Variants in NTM observed in about 807,000 individuals in gnomAD.
NTM encodes IgLON family member 2.
Under a neutral mutation model 42.1 loss-of-function variants are expected in NTM, and 13 were observed. The observed-to-expected ratio is 0.31, with a 90% CI of 0.20 to 0.49. The LOEUF is 0.49. Among genes scored for constraint, NTM ranks in the 20% least tolerant of loss-of-function variants. The pLI is 0.99. For synonymous variants in NTM, 187 were observed against 179.2 expected, an observed-to-expected ratio of 1.04 and a Z score of -0.35; for missense variants, 373 against 452.8, an observed-to-expected ratio of 0.82 and a Z score of 1.60.
intron 1 of NTM, among the ~76,000 whole-genome samples, chr11:131,779,320 A>G (rs1389895270): frequency 6.6e-6 from 1 of 152,196 alleles, no homozygotes; most frequent in Non-Finnish European, 1.5e-5. Context: ...TGAGATAATA[A>G]ATGTGTGCTG....
At chr11:131,713,509 T>C (rs920189765) in intron 1 of NTM, among the ~76,000 whole-genome samples, 8 of 152,242 alleles carry the variant, frequency 5.3e-5, no homozygotes, top group Non-Finnish European at 1.0e-4. Context: ...AATTCATTCT[T>C]TTCTATTTCT....
intron 4 of NTM, among the ~76,000 whole-genome samples, chr11:132,245,471 C>T (rs2090978177): frequency 6.6e-6 from 1 of 152,048 alleles, no homozygotes; most frequent in South Asian, 2.1e-4. Flanking sequence ...GGCTGGTTGT[C>T]AGGCATAATA....
At chr11:132,171,491 C>T (rs996063697) in intron 3 of NTM, among the ~76,000 whole-genome samples, 1 of 152,104 alleles carries the variant, frequency 6.6e-6, no homozygotes, top group Non-Finnish European at 1.5e-5. Context: ...TCTTTCTAGC[C>T]TTTTTTATAA....
chr11:131,713,988 G>A (rs2077429105), intron 1 of NTM, among the ~76,000 whole-genome samples: 1 of 152,158 alleles, frequency 6.6e-6, no homozygotes, highest in Non-Finnish European at 1.5e-5. Context: ...TCCTGGGAGG[G>A]GCTGCGTGTG....
At chr11:132,129,739 G>A (rs965884860) in intron 2 of NTM, among the ~76,000 whole-genome samples, 2 of 152,172 alleles carry the variant, frequency 1.3e-5, no homozygotes, top group African/African-American at 2.4e-5. Context: ...ATTTCAAAAT[G>A]GGGCTCCTAG....
At chr11:132,019,484 A>G (rs2073989122) in intron 2 of NTM, among the ~76,000 whole-genome samples, 1 of 151,800 alleles carries the variant, frequency 6.6e-6, no homozygotes, top group Non-Finnish European at 1.5e-5. Flanking sequence ...CTGTATTTTG[A>G]GATTGTGCTT....
intron 2 of NTM, among the ~76,000 whole-genome samples, chr11:132,133,467 A>G (rs187443548): frequency 2.1e-4 from 32 of 152,332 alleles, no homozygotes; most frequent in African/African-American, 6.5e-4. Context: ...TCCCATCCTA[A>G]TGCACTTCAG....
chr11:132,200,484 T>C (rs1158168908), intron 3 of NTM, among the ~76,000 whole-genome samples: 2 of 152,304 alleles, frequency 1.3e-5, no homozygotes, highest in African/African-American at 4.8e-5. Context: ...ACTGCAGTCA[T>C]GGGGTGAGGT....
intron 2 of NTM, among the ~76,000 whole-genome samples, chr11:131,944,675 T>G (rs2060161295): frequency 6.6e-6 from 1 of 152,188 alleles, no homozygotes; most frequent in South Asian, 2.1e-4. Context: ...CTTAGAGTGT[T>G]TAAGAGTTGG....
chr11:131,698,618 G>A (rs1326380609), intron 1 of NTM, among the ~76,000 whole-genome samples: 1 of 152,126 alleles, frequency 6.6e-6, no homozygotes, highest in Non-Finnish European at 1.5e-5. Context: ...TTTATAAGAG[G>A]ACTAGGAGAA....
At chr11:132,014,825 T>G (rs1484493338) in intron 2 of NTM, among the ~76,000 whole-genome samples, 1 of 151,544 alleles carries the variant, frequency 6.6e-6, no homozygotes, top group East Asian at 1.9e-4. Context: ...GCAAATACTT[T>G]CTCCCATTCC....
chr11:132,049,823 C>T (rs1275140178), intron 2 of NTM, among the ~76,000 whole-genome samples: 1 of 152,112 alleles, frequency 6.6e-6, no homozygotes, highest in African/African-American at 2.4e-5. Flanking sequence ...AAGGTTTTTG[C>T]CGGTCAGACA....
At chr11:132,320,294 A>C (rs2095531587) in intron 7 of NTM, among the ~76,000 whole-genome samples, 1 of 152,220 alleles carries the variant, frequency 6.6e-6, no homozygotes, top group Non-Finnish European at 1.5e-5. Flanking sequence ...AGTGCCAGAC[A>C]GTGGGTGCAG....
chr11:131,661,760 C>CT (rs915933457), intron 1 of NTM, among the ~76,000 whole-genome samples: 3 of 151,998 alleles, frequency 2.0e-5, no homozygotes, highest in African/African-American at 7.3e-5. Flanking sequence ...TGAAAATGCT[C>CT]TTTTTTTTCC....
At chr11:131,789,830 C>G (rs1377077342) in intron 1 of NTM, among the ~76,000 whole-genome samples, 1 of 150,586 alleles carries the variant, frequency 6.6e-6, no homozygotes, top group Non-Finnish European at 1.5e-5. Context: ...GTGGCGGGAG[C>G]CTGTAGTCCC....
chr11:131,595,943 C>G (rs2059777823), intron 1 of NTM, among the ~76,000 whole-genome samples: 1 of 152,222 alleles, frequency 6.6e-6, no homozygotes, highest in African/African-American at 2.4e-5. Context: ...GAGCCCATGC[C>G]TGGATTGATT....
intron 1 of NTM, among the ~76,000 whole-genome samples, chr11:131,729,243 T>A (rs2079332663): frequency 6.6e-6 from 1 of 152,214 alleles, no homozygotes; most frequent in Admixed American, 6.5e-5. Flanking sequence ...GAGTGTTCGA[T>A]AAGGGTTAGC....
intron 1 of NTM, among the ~76,000 whole-genome samples, chr11:131,424,014 T>C (rs529775150): frequency 6.6e-6 from 1 of 152,298 alleles, no homozygotes; most frequent in East Asian, 1.9e-4. Context: ...CCTGTGTGTT[T>C]AACTTCCACT....
At chr11:132,261,126 T>C (rs2092823849) in intron 4 of NTM, among the ~76,000 whole-genome samples, 1 of 152,192 alleles carries the variant, frequency 6.6e-6, no homozygotes, top group Non-Finnish European at 1.5e-5. Context: ...CTGGGTGCAC[T>C]AACCCAGTGT....
Sources: allele counts gnomAD v4.1 joint callset (sites outside exome capture counted in the v4.1 genomes callset), GRCh38; gene constraint gnomAD v4.1.1; transcripts MANE v1.5; gene names NCBI Gene and HGNC (gene_info 2026-07-23, HGNC 2026-07-21).